TPRG1: variants seen among roughly 807,000 people sequenced by gnomAD.
TPRG1 encodes the protein tumor protein p63 regulated 1.
In TPRG1, 29 loss-of-function variants were observed where a neutral mutation model predicts 29.3. The observed-to-expected ratio is 0.99, with a 90% CI of 0.74 to 1.35. The LOEUF is 1.35. Ranked by LOEUF, TPRG1 falls within the 40% of genes most tolerant of loss-of-function variation. TPRG1 has a pLI of 0.00. For synonymous variants in TPRG1, 130 were observed against 116.8 expected, an observed-to-expected ratio of 1.11 and a Z score of -0.73; for missense variants, 327 against 335.0, an observed-to-expected ratio of 0.98 and a Z score of 0.19.
At chr3:189,066,923 A>T (rs1716490448) in intron 4 of TPRG1, among the ~76,000 whole-genome samples, 1 of 152,266 alleles carries the variant, frequency 6.6e-6, no homozygotes, top group East Asian at 1.9e-4. Flanking sequence ...GGAAAAACCT[A>T]AAGACTCCAC....
At chr3:189,248,573 T>C (rs1182771093) in intron 4 of TPRG1, among the ~76,000 whole-genome samples, 1 of 151,008 alleles carries the variant, frequency 6.6e-6, no homozygotes, top group Non-Finnish European at 1.5e-5. Context: ...TTGTTAGATA[T>C]ATTAAGCTTT....
At chr3:189,219,878 C>T in intron 3 of TPRG1, 1 of 546,340 alleles carries the variant, frequency 1.8e-6, no homozygotes, top group Non-Finnish European at 2.3e-6. Context: ...CATTATTCCC[C>T]CAACTCCACC....
intron 2 of TPRG1, among the ~76,000 whole-genome samples, chr3:189,132,073 C>T (rs1193215870): frequency 6.6e-6 from 1 of 152,168 alleles, no homozygotes; most frequent in Non-Finnish European, 1.5e-5. Context: ...TAGTGCACGA[C>T]TCCCTGATTC....
intron 1 of TPRG1, among the ~76,000 whole-genome samples, chr3:189,110,558 TA>T (rs955939648): frequency 7.9e-5 from 12 of 151,794 alleles, no homozygotes; most frequent in South Asian, 4.1e-4. Flanking sequence ...GTAAAATATG[TA>T]AAAAAAAATT....
At chr3:189,196,117 A>G (rs763262619) in intron 1 of TPRG1, among the ~76,000 whole-genome samples, 2 of 152,112 alleles carry the variant, frequency 1.3e-5, no homozygotes, top group African/African-American at 4.8e-5. Context: ...GGAGCCTGAA[A>G]CCCTACTGCT....
intron 1 of TPRG1, among the ~76,000 whole-genome samples, chr3:189,174,103 T>A (rs1266773068): frequency 6.6e-6 from 1 of 152,202 alleles, no homozygotes; most frequent in Admixed American, 6.5e-5. Flanking sequence ...TTGATCCTTT[T>A]AAAACTTGAA....
At chr3:189,068,725 G>A (rs1193165184) in intron 4 of TPRG1, among the ~76,000 whole-genome samples, 3 of 151,946 alleles carry the variant, frequency 2.0e-5, no homozygotes, top group Non-Finnish European at 4.4e-5. Context: ...GCGGTGAGCC[G>A]AGATTGTGCC....
intron 4 of TPRG1, among the ~76,000 whole-genome samples, chr3:189,288,446 A>C (rs1038510956): frequency 6.6e-6 from 1 of 152,230 alleles, no homozygotes; most frequent in Non-Finnish European, 1.5e-5. Flanking sequence ...ACTATTCACC[A>C]TCTAATTTTG....
At chr3:189,028,081 G>A (rs950679310) in intron 4 of TPRG1, among the ~76,000 whole-genome samples, 2 of 152,164 alleles carry the variant, frequency 1.3e-5, no homozygotes, top group Admixed American at 6.5e-5. Flanking sequence ...CTTACTGTGT[G>A]CCATGTGCTG....
intron 1 of TPRG1, among the ~76,000 whole-genome samples, chr3:189,107,182 T>C (rs1335648001): frequency 6.6e-6 from 1 of 152,106 alleles, no homozygotes; most frequent in Non-Finnish European, 1.5e-5. Flanking sequence ...CTTTTATGAC[T>C]TCTTTTCTTT....
chr3:189,231,938 C>T (rs1418965626), intron 3 of TPRG1, among the ~76,000 whole-genome samples: 1 of 103,622 alleles, frequency 9.7e-6, no homozygotes, highest in South Asian at 3.2e-4. Flanking sequence ...AGCTTCAAAC[C>T]TGGTTTGTGT....
intron 1 of TPRG1, among the ~76,000 whole-genome samples, chr3:189,193,848 G>A (rs1427272882): frequency 2.7e-5 from 4 of 149,140 alleles, no homozygotes; most frequent in Non-Finnish European, 4.4e-5. Context: ...TATGTTTTTG[G>A]TTGTTTGTTT....
At chr3:189,300,459 A>T (rs2109260716) in intron 4 of TPRG1, among the ~76,000 whole-genome samples, 1 of 152,356 alleles carries the variant, frequency 6.6e-6, no homozygotes, top group Non-Finnish European at 1.5e-5. Flanking sequence ...AATTTTCAAA[A>T]GAAGAAAAAG....
chr3:189,215,439 C>A, intron 3 of TPRG1, 56 bp downstream of exon 3: 1 of 1,419,778 alleles, frequency 7.0e-7, no homozygotes, highest in Non-Finnish European at 9.9e-7. Context: ...TCCTTGACAT[C>A]ACTGTAGCAG....
intron 4 of TPRG1, among the ~76,000 whole-genome samples, chr3:189,262,493 G>A (rs953820301): frequency 1.4e-4 from 22 of 152,112 alleles, no homozygotes; most frequent in African/African-American, 5.3e-4. Context: ...GGGCTGGGCA[G>A]TATGATCCCA....
At chr3:189,004,368 G>A (rs1339722462) in intron 2 of TPRG1, among the ~76,000 whole-genome samples, 2 of 152,084 alleles carry the variant, frequency 1.3e-5, no homozygotes, top group African/African-American at 4.8e-5. Flanking sequence ...TAAGTTTCTA[G>A]TGTGTAGTTT....
chr3:189,215,240 G>A (rs374694407), intron 2 of TPRG1, 52 bp from the exon 3 acceptor site: 262 of 1,468,008 alleles, frequency 1.8e-4, no homozygotes, highest in Middle Eastern at 7.0e-4. Flanking sequence ...AATCATAAGC[G>A]CGAAGTGGGC....
chr3:189,211,103 C>CTTCTT (rs1735189455), intron 2 of TPRG1, among the ~76,000 whole-genome samples: 1 of 151,982 alleles, frequency 6.6e-6, no homozygotes, highest in African/African-American at 2.4e-5. Flanking sequence ...TTTTCTTTTA[C>CTTCTT]TTATATATAC....
At position 189,184,069 on chromosome 3, in the gene TPRG1, G is replaced by A. The variant is rs796708236; in HGVS notation, c.-10+11938G>A. Among the ~76,000 whole-genome samples, 87 of 152,176 alleles carry A rather than the reference G, an allele frequency of 5.7e-4. 1 individual carries two copies. Among genetic ancestry groups the A allele is most frequent in the African/African-American group, 1.5e-3 (62 of 41,518 alleles). ...GGAACTAATAAATGTCCATGAAATCGTCACAATCCATGTTCTTCTGCCATG... is the reference window on the plus strand; with the variant it reads ...GGAACTAATAAATGTCCATGAAATCATCACAATCCATGTTCTTCTGCCATG... On this transcript the variant is annotated intron_variant, in intron 1 of 5. Coordinates refer to ENST00000345063, the MANE Select transcript of TPRG1 (RefSeq NM_198485.4).
Sources: gnomAD v4.1 joint callset for allele counts (sites outside exome capture counted in the v4.1 genomes callset) on GRCh38, gnomAD v4.1.1 for gene constraint, MANE v1.5 for transcripts, NCBI Gene and HGNC (gene_info 2026-07-23, HGNC 2026-07-21) for gene names.